The following CHRNA4 variants were observed in gnomAD, a reference collection of about 807,000 sequenced individuals.
CHRNA4 encodes the protein neuronal acetylcholine receptor subunit alpha-4.
A neutral mutation model predicts 48.9 loss-of-function variants in CHRNA4; 28 were observed. The ratio of observed to expected loss-of-function variants is 0.57; its 90% CI spans 0.42 to 0.79. The LOEUF (loss-of-function observed/expected upper bound fraction) is 0.79. Ranked by LOEUF, CHRNA4 falls within the 30% of genes least tolerant of loss-of-function variation. The pLI is 0.00. For synonymous variants in CHRNA4, 425 were observed against 402.3 expected (o/e 1.06, Z -0.68); for missense variants, 859 against 898.4 (o/e 0.96, Z 0.56).
At chr20:63,352,610 C>A (rs2068632473) in intron 4 of CHRNA4, among the ~76,000 whole-genome samples, 1 of 152,214 alleles carries the variant, frequency 6.6e-6, no homozygotes, top group African/African-American at 2.4e-5. Context: ...CTCTCCCCAG[C>A]CCATCTCTCC....
Position 63,350,052 on chromosome 20 carries a change from G to T in CHRNA4, c.1359C>A (p.His453Gln). ...TGGCCAGCCCTGGTGCCTGGGTGCC[G>T]TGGGGCGGGCGGCAGGGTCCAGGCG... ...HPSPGPCRPP[H>Q]GTQAPGLAKA... Residue 453 changes from histidine (H) to glutamine (Q), a missense_variant, in exon 5 of 6, where the codon CAC (histidine) becomes CAA (glutamine). Coordinates refer to ENST00000370263, the MANE Select transcript of CHRNA4 (RefSeq NM_000744.7). 6 of 1,513,106 alleles carry T rather than the reference G, an allele frequency of 4.0e-6. No homozygotes were observed. In the South Asian group the frequency reaches 6.6e-5, roughly 17 times the overall value. 93.7% of individuals were successfully genotyped at this position (1,513,106 alleles called of 1,614,324 possible).
intron 2 of CHRNA4, among the ~76,000 whole-genome samples, chr20:63,357,293 ACC>A (rs2068736527): frequency 6.6e-5 from 1 of 15,258 alleles, no homozygotes; most frequent in South Asian, 1.7e-3. Flanking sequence ...TCCCCACAGG[ACC>A]TCATCCCCTC....
intron 1 of CHRNA4, 139 bp downstream of exon 1, chr20:63,360,951 T>G: frequency 3.0e-6 from 2 of 664,430 alleles, no homozygotes; most frequent in Non-Finnish European, 4.4e-6. Flanking sequence ...CGGCTGGGGA[T>G]GGGGAGCCTC....
chr20:63,359,672 TG>T lies in CHRNA4; in HGVS notation c.103del (p.His35ThrfsTer7). On this transcript the variant is annotated frameshift_variant, in exon 2 of 6. Coordinates refer to ENST00000370263, the MANE Select transcript of CHRNA4 (RefSeq NM_000744.7). LOFTEE classifies it high-confidence loss of function. ...RASSHVETRAHAEERLLKKLF... is the reference protein window; with the variant it reads ...RASSHVETRAXAEERLLKKLF... ...TTTCTTCAGGAGCCGCTCCTCGGCG[TG>T]GGCCCGGGTCTCCACATGGCTGCTG... is the stretch of plus-strand genomic sequence containing the variant. 6.2e-7 allele frequency: 1 copy of T among 1,611,592 alleles called. No homozygotes were observed. The highest frequency in any genetic ancestry group is 8.5e-7 in the Non-Finnish European group (1 of 1,179,886).
intron 4 of CHRNA4, 129 bp from the exon 5 acceptor site, chr20:63,351,156 C>A (rs1458226571): frequency 1.3e-6 from 1 of 764,594 alleles, no homozygotes; most frequent in Non-Finnish European, 2.0e-6. Context: ...CACGTCCACG[C>A]CCACATCCAC....
At chr20:63,356,522 T>G in intron 2 of CHRNA4, 107 bp from the exon 3 acceptor site, 1 of 1,230,326 alleles carries the variant, frequency 8.1e-7, no homozygotes, top group South Asian at 1.3e-5. Flanking sequence ...CAGGGCAAGA[T>G]ATGGTGGACG....
chr20:63,344,826 G>A lies in CHRNA4; in HGVS notation c.*1912C>T, dbSNP rs201639408. 1.1e-5 allele frequency: 5 copies of A among 449,926 alleles called. No homozygotes were observed. The highest frequency in any genetic ancestry group is 8.0e-5 in the African/African-American group (4 of 49,936). 27.9% of individuals were successfully genotyped at this position (449,926 alleles called of 1,614,324 possible). On this transcript the variant is annotated 3_prime_UTR_variant, in exon 6 of 6. Coordinates refer to ENST00000370263, the MANE Select transcript of CHRNA4 (RefSeq NM_000744.7). This position sits in a 1 kb window ranked among gnomAD's most constrained non-coding sequence, Gnocchi z 4.5. ...CTGCGTCCTGGGAGCTCTGGCCGAG[G>A]AGCAGCAGGGGCTGATGGCAGAGCG... is the stretch of plus-strand genomic sequence containing the variant.
At chr20:63,359,464 T>G in intron 2 of CHRNA4, 84 bp downstream of exon 2, 1 of 1,558,870 alleles carries the variant, frequency 6.4e-7, no homozygotes, top group Non-Finnish European at 8.8e-7. Context: ...TGTTGATGGC[T>G]GTGTCCCCTC....
At chr20:63,347,058 C>A (rs1301496356) in intron 5 of CHRNA4, 195 bp from the exon 6 acceptor site, 8 of 734,998 alleles carry the variant, frequency 1.1e-5, no homozygotes, top group East Asian at 2.8e-5. Flanking sequence ...CAGTGCTCTG[C>A]GGGGGGCATC....
At chr20:63,355,693 A>G (rs1332752950) in intron 4 of CHRNA4, 7 of 919,678 alleles carry the variant, frequency 7.6e-6, no homozygotes, top group Admixed American at 2.2e-5. Flanking sequence ...TGCCATAGCC[A>G]CTCTCAGGCC....
At chr20:63,360,703 T>A (rs1171708381) in intron 1 of CHRNA4, among the ~76,000 whole-genome samples, 1 of 152,148 alleles carries the variant, frequency 6.6e-6, no homozygotes, top group African/African-American at 2.4e-5. Flanking sequence ...AGGCCACCCC[T>A]CTGATCCCCT....
intron 3 of CHRNA4, 69 bp from the exon 4 acceptor site, chr20:63,356,153 C>CAGTGCCCTCCCACTCACCTG: frequency 1.4e-6 from 1 of 733,850 alleles, no homozygotes. Flanking sequence ...CGGGACAGGG[C>CAGTGCCCTCCCACTCACCTG]CAGGGTGGGG....
chr20:63,361,148 G>C lies in CHRNA4; in HGVS notation c.18C>G (p.Pro6=). 1 of 1,479,068 alleles carries C rather than the reference G, an allele frequency of 6.8e-7. No individual in the cohort carries two copies. The highest frequency in any genetic ancestry group is 2.9e-5 in the East Asian group (1 of 34,844). 91.6% of individuals were successfully genotyped at this position (1,479,068 alleles called of 1,614,324 possible). MELGG[P]GAPRLLPPLL... is the part of the protein sequence containing the mutation. ...GCGGCGGCAGCAGCCGCGGCGCTCC[G>C]GGGCCCCCTAGCTCCATGGCGCACG... is the stretch of plus-strand genomic sequence containing the variant. Residue 6 remains proline, a synonymous_variant, in exon 1 of 6, where the codon CCC becomes CCG. Transcript: ENST00000370263.
At chr20:63,348,007 G>A (rs553097846) in intron 5 of CHRNA4, among the ~76,000 whole-genome samples, 2 of 152,184 alleles carry the variant, frequency 1.3e-5, no homozygotes, top group African/African-American at 2.4e-5. Flanking sequence ...CCGCCCTCTC[G>A]CCCTTTCCTA....
intron 2 of CHRNA4, among the ~76,000 whole-genome samples, chr20:63,357,227 G>A (rs1226573048): frequency 1.3e-5 from 2 of 149,114 alleles, no homozygotes; most frequent in East Asian, 4.0e-4. Flanking sequence ...GTCCCCACAG[G>A]ACCACGTCCC....
At chr20:63,356,198 G>A (rs1568816870) in intron 3 of CHRNA4, 114 bp from the exon 4 acceptor site, 3 of 723,896 alleles carry the variant, frequency 4.1e-6, no homozygotes, top group Non-Finnish European at 6.4e-6. Context: ...GCAGGGTGAG[G>A]GGTGTGAGGG....
intron 2 of CHRNA4, 101 bp downstream of exon 2, chr20:63,359,447 C>T (rs1428722569): frequency 2.3e-5 from 34 of 1,463,236 alleles, no homozygotes; most frequent in South Asian, 5.8e-5. Flanking sequence ...CTCACAGCCA[C>T]GGGGAGTGTT....
At chr20:63,348,661 GGATGGACAGGACA>G (rs2068533004) in intron 5 of CHRNA4, among the ~76,000 whole-genome samples, 1 of 152,230 alleles carries the variant, frequency 6.6e-6, no homozygotes, top group African/African-American at 2.4e-5. Context: ...GACAGCAGGT[GGATGGACAGGACA>G]GATGCCGAAT....
chr20:63,350,844 G>A lies in CHRNA4; in HGVS notation c.567C>T (p.Ile189=), dbSNP rs758128052. The A allele has an allele frequency of 8.1e-6, 13 of 1,613,886 alleles. No homozygotes were observed. The highest frequency in any genetic ancestry group is 1.7e-5 in the Admixed American group (1 of 59,994). ...CGCGGCTGTGCATGTTCACCAGGTC[G>A]ATCTTGGCCTTGTCGTAGGTCCAGG... is the stretch of plus-strand genomic sequence containing the variant. ...FGSWTYDKAK[I]DLVNMHSRVD... Residue 189 remains isoleucine (I), a synonymous_variant, in exon 5 of 6, where the codon ATC becomes ATT. Coordinates refer to ENST00000370263, the MANE Select transcript of CHRNA4 (RefSeq NM_000744.7).
Sources: allele counts gnomAD v4.1 joint callset (sites outside exome capture counted in the v4.1 genomes callset), GRCh38; gene constraint gnomAD v4.1.1; non-coding constraint Gnocchi (gnomAD v3.1); transcripts MANE v1.5; gene names NCBI Gene and HGNC (gene_info 2026-07-23, HGNC 2026-07-21).